DOCK1: variants seen among roughly 807,000 people sequenced by gnomAD.
DOCK1 encodes dedicator of cytokinesis protein 1.
Under a neutral mutation model 262.7 loss-of-function variants are expected in DOCK1, and 138 were observed. That is an observed-to-expected ratio of 0.53 (90% CI 0.46 to 0.61). DOCK1 has a LOEUF of 0.61. DOCK1 is among the 20% of genes least tolerant of loss of function. The pLI is 0.00. For missense variants in DOCK1, 1,908 were observed against 2,370.7 expected (o/e 0.80, Z 4.05); for synonymous variants, 866 against 867.4 (o/e 1.00, Z 0.03).
At chr10:127,067,956 A>G (rs1417154) in intron 23 of DOCK1, among the ~76,000 whole-genome samples, 142,015 of 152,016 alleles carry the variant, frequency 0.93, 66,347 homozygotes, top group African/African-American at 0.96. Flanking sequence ...CAGATGCAGA[A>G]GGTTTGTCTT....
intron 28 of DOCK1, among the ~76,000 whole-genome samples, chr10:127,250,717 G>A (rs1021969590): frequency 1.5e-5 from 2 of 136,224 alleles, no homozygotes; most frequent in African/African-American, 2.7e-5. Context: ...GCTGGAACCC[G>A]GGAGGCAGAG....
chr10:126,955,123 TG>T (rs2036627123), intron 1 of DOCK1, among the ~76,000 whole-genome samples: 1 of 152,216 alleles, frequency 6.6e-6, no homozygotes. Context: ...TCACAGTTTT[TG>T]TTTTTTGTTT....
At chr10:127,435,894 C>T (rs554680894) in intron 48 of DOCK1, among the ~76,000 whole-genome samples, 117 of 152,306 alleles carry the variant, frequency 7.7e-4, no homozygotes, top group African/African-American at 2.7e-3. Context: ...AGTTGCTTCT[C>T]GTAATATGAA....
rs571356850 is a variant in DOCK1 at position 126,909,798 on chromosome 10, G to A, written c.46+4235G>A. Among the ~76,000 whole-genome samples the A allele has an allele frequency of 2.6e-5, 4 of 152,348 alleles. 1 individual carries two copies. The highest frequency in any genetic ancestry group is 1.9e-4 in the East Asian group (1 of 5,190). The stretch of plus-strand genomic sequence containing the variant: ...AGATATGCCAAGTACTCAACGAAGC[G>A]TTGCTTTTGTTAACTTTTTATTTAA... On this transcript the variant is annotated intron_variant, in intron 1 of 51. Coordinates refer to ENST00000623213, the MANE Select transcript of DOCK1 (RefSeq NM_001290223.2).
At chr10:126,930,065 T>C (rs1380178242) in intron 1 of DOCK1, among the ~76,000 whole-genome samples, 3 of 152,216 alleles carry the variant, frequency 2.0e-5, no homozygotes, top group African/African-American at 7.2e-5. Context: ...AGATCCCACG[T>C]GTGTGGTCCT....
intron 27 of DOCK1, among the ~76,000 whole-genome samples, chr10:127,142,178 C>T (rs2051324440): frequency 6.6e-6 from 1 of 152,214 alleles, no homozygotes; most frequent in Non-Finnish European, 1.5e-5. Context: ...CGGTCCCAGG[C>T]CACCAGACGT....
chr10:127,367,566 G>A (rs2064992871), intron 33 of DOCK1, among the ~76,000 whole-genome samples: 1 of 152,168 alleles, frequency 6.6e-6, no homozygotes, highest in South Asian at 2.1e-4. Flanking sequence ...TGATGCTAGT[G>A]GAAGCCTGCT....
At chr10:127,082,791 C>T (rs1046518352) in intron 23 of DOCK1, among the ~76,000 whole-genome samples, 1 of 152,146 alleles carries the variant, frequency 6.6e-6, no homozygotes, top group Admixed American at 6.5e-5. Context: ...TGCCCCACAC[C>T]TAGCCCTGGG....
At chr10:127,190,325 C>T (rs2056627915) in intron 27 of DOCK1, among the ~76,000 whole-genome samples, 1 of 152,204 alleles carries the variant, frequency 6.6e-6, no homozygotes, top group African/African-American at 2.4e-5. Flanking sequence ...TCTTTACTGC[C>T]TTCTCACGGT....
At chr10:127,312,053 C>T (rs141195344) in intron 29 of DOCK1, among the ~76,000 whole-genome samples, 2,283 of 152,024 alleles carry the variant, frequency 0.015, 63 homozygotes, top group African/African-American at 0.052. Flanking sequence ...TTAGTGGAGA[C>T]GGGGTTTCAC....
At chr10:127,310,896 A>G (rs1051543701) in intron 29 of DOCK1, among the ~76,000 whole-genome samples, 1 of 152,218 alleles carries the variant, frequency 6.6e-6, no homozygotes, top group Non-Finnish European at 1.5e-5. Context: ...AAGGACAGCC[A>G]AAGCTGATGG....
chr10:127,106,754 A>G (rs2048551527), intron 24 of DOCK1, among the ~76,000 whole-genome samples: 1 of 151,984 alleles, frequency 6.6e-6, no homozygotes, highest in Admixed American at 6.6e-5. Flanking sequence ...CTAAGAAAAT[A>G]ATTTTTAGAA....
intron 1 of DOCK1, among the ~76,000 whole-genome samples, chr10:126,910,571 C>T (rs141434304): frequency 1.5e-3 from 227 of 152,206 alleles, no homozygotes; most frequent in African/African-American, 5.2e-3. Flanking sequence ...TAGCCAAATG[C>T]GGGTGTAAAA....
rs143060227 is a variant in DOCK1, at chr10:127,434,481, G to A, written c.5060+1053G>A. Among the ~76,000 whole-genome samples, 161 of 152,164 alleles carry A rather than the reference G, an allele frequency of 1.1e-3. 1 individual carries two copies. The highest frequency in any genetic ancestry group is 2.2e-3 in the Non-Finnish European group (148 of 68,016). On this transcript the variant is annotated intron_variant, in intron 48 of 51. Transcript: ENST00000623213. ...TGAACAGTTCGGTGGCATTGCGTAC[G>A]TTCACATCGCTGTGCAGCCATGACC...
chr10:127,317,542 G>A lies in DOCK1; in HGVS notation c.3045-21464G>A, dbSNP rs189466917. On this transcript the variant is annotated intron_variant, in intron 29 of 51. Transcript: ENST00000623213. Reference sequence around the variant, plus strand: ...TATATTACAGAACTCACAGCGAGGTGGAGAGAAGACACAGTGTCCGGAGTC... The same window carrying A: ...TATATTACAGAACTCACAGCGAGGTAGAGAGAAGACACAGTGTCCGGAGTC... 1.4e-3 allele frequency among the ~76,000 whole-genome samples: 211 copies of A among 152,272 alleles called. 1 individual carries two copies. The highest frequency in any genetic ancestry group is 4.9e-3 in the African/African-American group (203 of 41,574).
chr10:127,339,497 C>T (rs1387188069), intron 30 of DOCK1, among the ~76,000 whole-genome samples: 1 of 152,158 alleles, frequency 6.6e-6, no homozygotes, highest in Non-Finnish European at 1.5e-5. Context: ...CCTCCATATC[C>T]TCTCTCGGCC....
intron 23 of DOCK1, among the ~76,000 whole-genome samples, chr10:127,102,368 C>G (rs1285101978): frequency 6.6e-6 from 1 of 152,166 alleles, no homozygotes; most frequent in Non-Finnish European, 1.5e-5. Context: ...AGAAACTTGT[C>G]TGACAGGTGC....
intron 27 of DOCK1, among the ~76,000 whole-genome samples, chr10:127,142,534 GC>G (rs2051365097): frequency 6.6e-6 from 1 of 152,198 alleles, no homozygotes; most frequent in African/African-American, 2.4e-5. Flanking sequence ...AGCAGCTGGA[GC>G]CAGGCCAGCC....
At chr10:127,031,819 C>A in intron 17 of DOCK1, 66 bp downstream of exon 17, 1 of 1,343,292 alleles carries the variant, frequency 7.4e-7, no homozygotes, top group Non-Finnish European at 1.0e-6. Flanking sequence ...GGCTCCCTGA[C>A]CTGGACCAAC....
Sources: gnomAD v4.1 joint callset for allele counts (sites outside exome capture counted in the v4.1 genomes callset) on GRCh38, gnomAD v4.1.1 for gene constraint, MANE v1.5 for transcripts, NCBI Gene and HGNC (gene_info 2026-07-23, HGNC 2026-07-21) for gene names.